Variants in NCKAP5 observed in about 807,000 individuals in gnomAD.
NCKAP5 encodes the protein NCK associated protein 5.
NCKAP5 carries 92 observed loss-of-function variants against 167.0 expected under a neutral mutation model. The ratio of observed to expected loss-of-function variants is 0.55; its 90% CI spans 0.47 to 0.66. The LOEUF (loss-of-function observed/expected upper bound fraction) is 0.66, where lower values mean the gene tolerates loss of function less well. NCKAP5 is among the 30% of genes least tolerant of loss of function. The pLI is 0.00. For synonymous variants in NCKAP5, 891 were observed against 877.4 expected (o/e 1.02, Z -0.27); for missense variants, 2,378 against 2,315.0 (o/e 1.03, Z -0.56).
chr2:133,060,028 CAG>C (rs2079944092), intron 6 of NCKAP5, among the ~76,000 whole-genome samples: 1 of 152,074 alleles, frequency 6.6e-6, no homozygotes, highest in Admixed American at 6.5e-5. Flanking sequence ...ATATTGCAGC[CAG>C]AGAGCCCTAA....
chr2:133,161,647 C>T (rs977613864), intron 5 of NCKAP5, among the ~76,000 whole-genome samples: 46 of 152,088 alleles, frequency 3.0e-4, no homozygotes, highest in African/African-American at 1.1e-3. Context: ...GCCCTGCAAC[C>T]CTTAGGTGGT....
chr2:133,377,800 T>G (rs1686251127), intron 3 of NCKAP5, among the ~76,000 whole-genome samples: 1 of 152,168 alleles, frequency 6.6e-6, no homozygotes, highest in Non-Finnish European at 1.5e-5. Context: ...AAGTAAGAAC[T>G]GGGCTCACTT....
intron 19 of NCKAP5, among the ~76,000 whole-genome samples, chr2:132,705,726 CT>C (rs1354350882): frequency 7.2e-5 from 11 of 152,210 alleles, no homozygotes; most frequent in African/African-American, 2.6e-4. Context: ...CTTTAAAATA[CT>C]TGATGCCCAC....
chr2:133,543,475 A>C (rs1686396296), intron 2 of NCKAP5, among the ~76,000 whole-genome samples: 1 of 152,242 alleles, frequency 6.6e-6, no homozygotes, highest in South Asian at 2.1e-4. Context: ...TAGCTATTCA[A>C]AGTAACCAGA....
At chr2:133,214,895 G>A (rs1428414759) in intron 4 of NCKAP5, among the ~76,000 whole-genome samples, 2 of 152,218 alleles carry the variant, frequency 1.3e-5, no homozygotes, top group Admixed American at 6.5e-5. Context: ...TCCCACTGGG[G>A]AAAAGAGAAG....
intron 5 of NCKAP5, among the ~76,000 whole-genome samples, chr2:133,175,737 GC>G (rs1370943074): frequency 1.3e-5 from 2 of 151,960 alleles, no homozygotes; most frequent in African/African-American, 4.8e-5. Context: ...TTACTCTCTC[GC>G]CCCACAGATG....
intron 5 of NCKAP5, among the ~76,000 whole-genome samples, chr2:133,146,579 A>C (rs1428762738): frequency 2.0e-5 from 3 of 152,090 alleles, no homozygotes; most frequent in South Asian, 4.1e-4. Flanking sequence ...TCACTCTCTT[A>C]ATACAACCTT....
intron 3 of NCKAP5, among the ~76,000 whole-genome samples, chr2:133,422,537 A>G (rs898687886): frequency 2.0e-5 from 3 of 152,232 alleles, no homozygotes; most frequent in Non-Finnish European, 4.4e-5. Context: ...TTTCAGGACC[A>G]AGAAAAGAAG....
intron 4 of NCKAP5, among the ~76,000 whole-genome samples, chr2:133,222,365 T>A (rs1443634277): frequency 1.3e-5 from 2 of 152,150 alleles, no homozygotes; most frequent in Non-Finnish European, 2.9e-5. Flanking sequence ...GTTTTATACT[T>A]CTGCAAAAGT....
chr2:133,483,962 G>C (rs1159048911), intron 3 of NCKAP5, among the ~76,000 whole-genome samples: 1 of 152,200 alleles, frequency 6.6e-6, no homozygotes, highest in African/African-American at 2.4e-5. Flanking sequence ...TTTAGTGCCT[G>C]TGGTTATAAT....
intron 8 of NCKAP5, among the ~76,000 whole-genome samples, chr2:132,884,145 T>C (rs1312073442): frequency 6.6e-6 from 1 of 152,200 alleles, no homozygotes; most frequent in East Asian, 1.9e-4. Context: ...AACAAACCTG[T>C]GAACACCCCA....
chr2:133,234,321 A>C (rs2087292585), intron 4 of NCKAP5, among the ~76,000 whole-genome samples: 1 of 152,220 alleles, frequency 6.6e-6, no homozygotes, highest in Admixed American at 6.5e-5. Context: ...GCAAATCAGC[A>C]ACAAAGATGA....
At chr2:132,795,186 C>T (rs571177473) in intron 12 of NCKAP5, among the ~76,000 whole-genome samples, 3 of 152,266 alleles carry the variant, frequency 2.0e-5, no homozygotes, top group South Asian at 2.1e-4. Context: ...TTCTGATGCC[C>T]GGCCCAAGTC....
intron 3 of NCKAP5, among the ~76,000 whole-genome samples, chr2:133,361,326 A>G (rs1306762753): frequency 6.6e-6 from 1 of 152,182 alleles, no homozygotes; most frequent in African/African-American, 2.4e-5. Flanking sequence ...GAAGATGTCA[A>G]AGTATTAGGT....
chr2:133,135,271 G>C (rs1446686912), intron 5 of NCKAP5, among the ~76,000 whole-genome samples: 2 of 152,192 alleles, frequency 1.3e-5, no homozygotes, highest in Non-Finnish European at 2.9e-5. Context: ...CAGGCGAAGA[G>C]AGGGGACCAG....
the NCKAP5 span, among the ~76,000 whole-genome samples, chr2:133,648,402 C>A: frequency 6.6e-6 from 1 of 152,040 alleles, no homozygotes; most frequent in South Asian, 2.1e-4. Flanking sequence ...TGCTATAAAT[C>A]AAATGTATCT....
intron 8 of NCKAP5, among the ~76,000 whole-genome samples, chr2:132,887,015 T>C (rs1692278724): frequency 6.6e-6 from 1 of 152,214 alleles, no homozygotes; most frequent in Non-Finnish European, 1.5e-5. Context: ...AGATACTCAA[T>C]TTGTATGTTA....
intron 3 of NCKAP5, among the ~76,000 whole-genome samples, chr2:133,348,037 A>C (rs1684095930): frequency 6.6e-6 from 1 of 152,194 alleles, no homozygotes; most frequent in South Asian, 2.1e-4. Context: ...ACAGGATGAA[A>C]TTTAGCAGGC....
chr2:132,716,992 C>A (rs1268760741), intron 19 of NCKAP5, among the ~76,000 whole-genome samples: 7 of 152,144 alleles, frequency 4.6e-5, no homozygotes, highest in Admixed American at 6.5e-5. Flanking sequence ...CTCACTAAAA[C>A]CCCCAAAACT....
Sources: gnomAD v4.1 joint callset for allele counts (sites outside exome capture counted in the v4.1 genomes callset) on GRCh38, gnomAD v4.1.1 for gene constraint, MANE v1.5 for transcripts, NCBI Gene and HGNC (gene_info 2026-07-23, HGNC 2026-07-21) for gene names.